Variants in SGCD observed in about 807,000 individuals in gnomAD.
SGCD encodes sarcoglycan delta.
A neutral mutation model predicts 36.6 loss-of-function variants in SGCD; 18 were observed. The ratio of observed to expected loss-of-function variants is 0.49; its 90% CI spans 0.34 to 0.73. SGCD has a LOEUF of 0.73. Among genes scored for constraint, SGCD ranks in the 30% least tolerant of loss-of-function variants. The probability of loss-of-function intolerance (pLI) is 0.01; values close to 1 mark genes in which losing one functional copy is unlikely to be tolerated. For missense variants in SGCD, 387 were observed against 346.7 expected, an observed-to-expected ratio of 1.12 and a Z score of -0.92; for synonymous variants, 133 against 130.6, an observed-to-expected ratio of 1.02 and a Z score of -0.12.
At chr5:155,853,535 G>A in the SGCD span, among the ~76,000 whole-genome samples, 2 of 152,092 alleles carry the variant, frequency 1.3e-5, no homozygotes, top group Admixed American at 6.6e-5. Flanking sequence ...TCTCAATTTT[G>A]TTTTGCTCTT....
At chr5:156,270,272 T>C (rs150735962) in intron 3 of SGCD, among the ~76,000 whole-genome samples, 3 of 152,150 alleles carry the variant, frequency 2.0e-5, no homozygotes, top group African/African-American at 7.2e-5. Flanking sequence ...TTACCATAGC[T>C]CTGTAGTATA....
intron 3 of SGCD, among the ~76,000 whole-genome samples, chr5:156,295,287 T>C (rs1325047121): frequency 3.3e-5 from 5 of 152,160 alleles, no homozygotes; most frequent in Admixed American, 3.3e-4. Context: ...TTCTCTTTTT[T>C]ATTTCTGTAG....
intron 4 of SGCD, among the ~76,000 whole-genome samples, chr5:156,576,699 G>A (rs1375770191): frequency 4.6e-5 from 7 of 152,032 alleles, no homozygotes; most frequent in South Asian, 2.1e-4. Flanking sequence ...TTTTTCATGT[G>A]TCTGTTGGCT....
At chr5:156,278,286 G>C (rs1766370792) in intron 3 of SGCD, among the ~76,000 whole-genome samples, 1 of 152,136 alleles carries the variant, frequency 6.6e-6, no homozygotes, top group Non-Finnish European at 1.5e-5. Flanking sequence ...TTCTAAAGGA[G>C]TGGAATGTTA....
intron 5 of SGCD, among the ~76,000 whole-genome samples, chr5:156,592,815 C>A (rs958888999): frequency 6.6e-6 from 1 of 152,100 alleles, no homozygotes; most frequent in Non-Finnish European, 1.5e-5. Context: ...CATTAGGGAG[C>A]CTTTCCAATG....
At chr5:156,653,573 T>C (rs2113607140) in intron 7 of SGCD, among the ~76,000 whole-genome samples, 1 of 137,786 alleles carries the variant, frequency 7.3e-6, no homozygotes, top group African/African-American at 2.6e-5. Flanking sequence ...ATAATCTACC[T>C]CCTTCATCCT....
intron 1 of SGCD, among the ~76,000 whole-genome samples, chr5:155,999,172 C>T (rs1188000792): frequency 6.6e-6 from 1 of 152,156 alleles, no homozygotes; most frequent in Admixed American, 6.5e-5. Flanking sequence ...CCAGTTTGTT[C>T]CCTTGGAAAC....
chr5:156,756,957 G>T (rs1213863201), intron 7 of SGCD, among the ~76,000 whole-genome samples: 2 of 152,120 alleles, frequency 1.3e-5, no homozygotes, highest in Non-Finnish European at 2.9e-5. Flanking sequence ...AGTAACAGCA[G>T]TAATAGTAAT....
chr5:156,007,711 A>C (rs1758783698), intron 1 of SGCD, among the ~76,000 whole-genome samples: 1 of 152,226 alleles, frequency 6.6e-6, no homozygotes, highest in Non-Finnish European at 1.5e-5. Flanking sequence ...TGGCAGAGCT[A>C]GCATGCTAGT....
chr5:156,197,431 A>G (rs1202037586), intron 3 of SGCD, among the ~76,000 whole-genome samples: 3 of 150,558 alleles, frequency 2.0e-5, no homozygotes, highest in East Asian at 2.0e-4. Context: ...TCCTTCCCAC[A>G]TATTAAATCT....
At chr5:156,130,889 G>T (rs1762306427) in intron 3 of SGCD, among the ~76,000 whole-genome samples, 1 of 151,930 alleles carries the variant, frequency 6.6e-6, no homozygotes, top group Admixed American at 6.6e-5. Flanking sequence ...ACCATGCCTG[G>T]CTAATTTTTT....
At chr5:156,747,100 ATG>A (rs201553093) in intron 7 of SGCD, among the ~76,000 whole-genome samples, 17,374 of 152,146 alleles carry the variant, frequency 0.11, 1,950 homozygotes, top group African/African-American at 0.29. Flanking sequence ...AGTAAAACAC[ATG>A]AAAAGGTGCC....
chr5:156,568,167 A>G (rs997598641), intron 4 of SGCD, among the ~76,000 whole-genome samples: 1 of 152,148 alleles, frequency 6.6e-6, no homozygotes, highest in South Asian at 2.1e-4. Flanking sequence ...AGGCAGGCAG[A>G]TCACTTAAGG....
chr5:156,435,864 C>T (rs1407568499), intron 3 of SGCD, among the ~76,000 whole-genome samples: 4 of 152,120 alleles, frequency 2.6e-5, no homozygotes, highest in African/African-American at 4.8e-5. Flanking sequence ...CAGGGAGAAA[C>T]CCTTAACTCC....
the SGCD span, among the ~76,000 whole-genome samples, chr5:155,861,473 C>T: frequency 6.6e-6 from 1 of 151,734 alleles, no homozygotes; most frequent in Non-Finnish European, 1.5e-5. Context: ...GAGGCCGAGG[C>T]GGGCGGATCA....
At chr5:155,815,128 T>C in the SGCD span, among the ~76,000 whole-genome samples, 1 of 152,210 alleles carries the variant, frequency 6.6e-6, no homozygotes, top group Non-Finnish European at 1.5e-5. Flanking sequence ...ATATCTGTGT[T>C]GTTGTATACC....
At chr5:155,800,142 G>A in the SGCD span, among the ~76,000 whole-genome samples, 1 of 151,936 alleles carries the variant, frequency 6.6e-6, no homozygotes, top group Non-Finnish European at 1.5e-5. Flanking sequence ...GTTTTTCTGG[G>A]ATAGTTTAAT....
At chr5:156,109,146 T>C (rs1761722427) in intron 1 of SGCD, among the ~76,000 whole-genome samples, 1 of 152,154 alleles carries the variant, frequency 6.6e-6, no homozygotes, top group Admixed American at 6.5e-5. Flanking sequence ...TCCTGCTAGC[T>C]GGCTTTAACA....
chr5:156,653,432 T>C (rs1763541701), intron 7 of SGCD, among the ~76,000 whole-genome samples: 1 of 150,848 alleles, frequency 6.6e-6, no homozygotes, highest in African/African-American at 2.4e-5. Context: ...GTGGGGTAGC[T>C]TGTAATGTCA....
Sources: allele counts gnomAD v4.1 joint callset (sites outside exome capture counted in the v4.1 genomes callset), GRCh38; gene constraint gnomAD v4.1.1; transcripts MANE v1.5; gene names NCBI Gene and HGNC (gene_info 2026-07-23, HGNC 2026-07-21).